Variants in LDB3 observed in about 807,000 individuals in gnomAD.
LDB3 encodes the protein LIM domain-binding protein 3.
In LDB3, 49 loss-of-function variants were observed where a neutral mutation model predicts 69.0. That is an observed-to-expected ratio of 0.71 (90% CI 0.56 to 0.90). The LOEUF is 0.90. Among genes scored for constraint, LDB3 ranks in the 40% least tolerant of loss-of-function variants. LDB3 has a pLI of 0.00. For synonymous variants in LDB3, 387 were observed against 396.2 expected, an observed-to-expected ratio of 0.98 and a Z score of 0.28; for missense variants, 928 against 974.1, an observed-to-expected ratio of 0.95 and a Z score of 0.63.
chr10:86,689,201 C>T (rs1845645358), intron 5 of LDB3, among the ~76,000 whole-genome samples: 1 of 152,142 alleles, frequency 6.6e-6, no homozygotes, highest in Non-Finnish European at 1.5e-5. Flanking sequence ...GTGTGCGCTG[C>T]CCCTCTGCTA....
At chr10:86,712,060 G>A (rs1366220704) in intron 9 of LDB3, among the ~76,000 whole-genome samples, 4 of 152,146 alleles carry the variant, frequency 2.6e-5, no homozygotes, top group Non-Finnish European at 5.9e-5. Context: ...GCGTGACGGC[G>A]AGCCAGGCTG....
At chr10:86,718,942 G>C (rs185806032) in intron 12 of LDB3, 95 bp downstream of exon 12, 1 of 1,510,268 alleles carries the variant, frequency 6.6e-7, no homozygotes, top group Non-Finnish European at 9.0e-7. Context: ...ATTCACATCC[G>C]ACCACCCAGA....
rs771240375 is a variant in LDB3 at position 86,687,053 on chromosome 10, CG to C, written c.690-4842del. On this transcript the variant is annotated intron_variant, in intron 5 of 13. Transcript: ENST00000361373. ...TCCTCCCTCTCCCTGCCCGTACTCC[CG>C]CACCCCTCCCCCAGCGCCGACTACC... 3 of 1,613,254 alleles carry C rather than the reference CG, an allele frequency of 1.9e-6. No individual in the cohort carries two copies. In the South Asian group the frequency reaches 3.3e-5, roughly 18 times the overall value.
At position 86,683,279 on chromosome 10, in the gene LDB3, T is replaced by C. The variant is rs577860785; in HGVS notation, c.689+1476T>C. Among the ~76,000 whole-genome samples, 3 of 152,314 alleles carry C rather than the reference T, an allele frequency of 2.0e-5. No individual in the cohort carries two copies. The East Asian group carries it at 5.8e-4, about 29-fold the overall frequency. On this transcript the variant is annotated intron_variant, in intron 5 of 13. Transcript: ENST00000361373. ...TGGACCAGCTAACAGTCCACATGCC[T>C]TATCTCTCAGCAACACTCTCTAAAA...
chr10:86,703,677 G>A (rs953364376), intron 7 of LDB3, among the ~76,000 whole-genome samples: 1 of 152,234 alleles, frequency 6.6e-6, no homozygotes. Flanking sequence ...CCAGATGAAG[G>A]AAAGTAATTC....
At chr10:86,702,387 C>CAGCATCAA (rs1846293509) in intron 7 of LDB3, among the ~76,000 whole-genome samples, 1 of 152,170 alleles carries the variant, frequency 6.6e-6, no homozygotes, top group East Asian at 1.9e-4. Flanking sequence ...ATCAACCAAA[C>CAGCATCAA]CCCACCATTC....
At position 86,699,625 on chromosome 10, in the gene LDB3, G is replaced by A; in HGVS notation, c.897-6906G>A. The A allele has an allele frequency of 7.4e-7, 1 of 1,360,246 alleles. No individual in the cohort carries two copies. Among genetic ancestry groups the A allele is most frequent in the South Asian group, 1.5e-5 (1 of 66,234 alleles). The allele number at this position is 1,360,246 out of a possible 1,614,324, so 84.3% of individuals were successfully genotyped here. On this transcript the variant is annotated intron_variant, in intron 7 of 13. Transcript: ENST00000361373. This position sits in a 1 kb window ranked among gnomAD's most constrained non-coding sequence, Gnocchi z 4.9. ...CTCGCCACCCCCCAAATAGCCCGTA[G>A]CCCAATCCCCTGCCCTCTGCACAGG...
rs568549202 is a variant in LDB3, at chr10:86,687,114, G to A, written c.690-4782G>A. The A allele has an allele frequency of 3.2e-5, 51 of 1,614,116 alleles. No individual in the cohort carries two copies. The East Asian group carries it at 5.3e-4, about 17-fold the overall frequency. ...TCAACCCCAGTGCCCTGAAGGACTC[G>A]GCCCTGTCCACCCACAAGCCCATCG... On this transcript the variant is annotated intron_variant, in intron 5 of 13. Transcript: ENST00000361373.
chr10:86,673,770 G>A lies in LDB3; in HGVS notation c.93+4986G>A, dbSNP rs1844617627. Among the ~76,000 whole-genome samples, 3 of 148,018 alleles carry A rather than the reference G, an allele frequency of 2.0e-5. No individual in the cohort carries two copies. The South Asian group carries it at 6.5e-4, about 32-fold the overall frequency. On this transcript the variant is annotated intron_variant, in intron 2 of 13. Transcript: ENST00000361373. The stretch of plus-strand genomic sequence containing the variant: ...TACCCTTCCTACTTATCTGCCACCT[G>A]CCCCAGCCTCCACCCACCACATCTA...
At chr10:86,706,061 A>G (rs527556401) in intron 7 of LDB3, among the ~76,000 whole-genome samples, 2 of 152,248 alleles carry the variant, frequency 1.3e-5, no homozygotes, top group African/African-American at 2.4e-5. Flanking sequence ...ACAACTCCAG[A>G]GCCTAAGCCC....
At chr10:86,721,124 T>A (rs1358159297) in intron 12 of LDB3, among the ~76,000 whole-genome samples, 1 of 152,222 alleles carries the variant, frequency 6.6e-6, no homozygotes, top group Non-Finnish European at 1.5e-5. Context: ...TTCTGTTCTA[T>A]TTTTGATTTT....
In LDB3 at chr10:86,680,171, G is replaced by A. The variant is rs780100626; in HGVS notation, c.321+14G>A. 3.1e-6 allele frequency: 5 copies of A among 1,611,952 alleles called. No individual in the cohort carries two copies. Among genetic ancestry groups the A allele is most frequent in the South Asian group, 1.1e-5 (1 of 90,962 alleles). On this transcript the variant is annotated intron_variant, in intron 4 of 13. Coordinates refer to ENST00000361373, the MANE Select transcript of LDB3 (RefSeq NM_007078.3). ...CCTCACCAGAAGGTAGGTGCTGACT[G>A]TGGCGGCGGGGTCCACTCAGCCCTG...
chr10:86,681,778 G>A lies in LDB3; in HGVS notation c.664G>A (p.Ala222Thr), dbSNP rs139922045. The A allele has an allele frequency of 3.8e-4, 604 of 1,598,880 alleles. 2 individuals are homozygous for A. Among genetic ancestry groups the A allele is most frequent in the Non-Finnish European group, 5.0e-4 (583 of 1,172,670 alleles). Residue 222 changes from alanine to threonine, a missense_variant, in exon 5 of 14, where the codon GCC (alanine) becomes ACC (threonine). Transcript: ENST00000361373. The stretch of plus-strand genomic sequence containing the variant: ...GTACCAGATGAGCCTCCGAGGGAAG[G>A]CCTCGGGTGTCGGACTCCCAGGAGG... ...QMYQMSLRGK[A>T]SGVGLPGGSL... is the part of the protein sequence containing the mutation.
intron 2 of LDB3, among the ~76,000 whole-genome samples, chr10:86,673,872 G>A (rs1253839436): frequency 1.3e-5 from 2 of 152,212 alleles, no homozygotes; most frequent in East Asian, 1.9e-4. Context: ...GGCCAGAAAC[G>A]TCTGCAGAGC....
intron 13 of LDB3, among the ~76,000 whole-genome samples, chr10:86,726,639 T>G (rs1268042049): frequency 1.3e-5 from 2 of 152,132 alleles, no homozygotes; most frequent in African/African-American, 4.8e-5. Flanking sequence ...CTTGAAGGTT[T>G]TCCCCTCCAA....
chr10:86,685,625 CT>C (rs769315254), intron 5 of LDB3: 92 of 1,603,334 alleles, frequency 5.7e-5, no homozygotes, highest in Non-Finnish European at 7.2e-5. Context: ...CAAACTGCCC[CT>C]GGTGGAGCCT....
chr10:86,696,118 A>G (rs938546923), intron 7 of LDB3, among the ~76,000 whole-genome samples: 1 of 152,106 alleles, frequency 6.6e-6, no homozygotes, highest in Non-Finnish European at 1.5e-5. Context: ...GCTTCTTCCA[A>G]TAAGATGCCA....
In LDB3 at chr10:86,681,634, C is replaced by T. The variant is rs749215979; in HGVS notation, c.520C>T (p.Pro174Ser). The change falls in exon 5 of 14, where the codon CCA (proline) becomes TCA (serine). Residue 174 changes from proline (P) to serine (S), a missense_variant. Transcript: ENST00000361373. ...GGCCAGCCTGAGGGCCAAGACCAGC[C>T]CAGAGGGGGCCCGGGACCTACTCGG... ...PRASLRAKTS[P>S]EGARDLLGPK... The T allele has an allele frequency of 5.0e-6, 8 of 1,613,186 alleles. No homozygotes were observed. Among genetic ancestry groups the T allele is most frequent in the South Asian group, 1.1e-5 (1 of 91,066 alleles).
chr10:86,701,701 A>G (rs1214118761), intron 7 of LDB3, among the ~76,000 whole-genome samples: 6 of 152,194 alleles, frequency 3.9e-5, no homozygotes, highest in East Asian at 1.9e-4. Context: ...AGTGTATTTT[A>G]TCATCAGGAA....
Sources: gnomAD v4.1 joint callset for allele counts (sites outside exome capture counted in the v4.1 genomes callset) on GRCh38, gnomAD v4.1.1 for gene constraint, Gnocchi (gnomAD v3.1) non-coding constraint, MANE v1.5 for transcripts, NCBI Gene and HGNC (gene_info 2026-07-23, HGNC 2026-07-21) for gene names.